The following OR2M4 variants were observed in gnomAD, a reference collection of about 807,000 sequenced individuals.
The protein encoded by OR2M4 is olfactory receptor family 2 subfamily M member 4.
A neutral mutation model predicts 13.7 loss-of-function variants in OR2M4; 8 were observed. That is an observed-to-expected ratio of 0.58 (90% confidence interval 0.34 to 1.05). The LOEUF (loss-of-function observed/expected upper bound fraction) is 1.05. Ranked by LOEUF, OR2M4 falls within the 50% of genes least tolerant of loss-of-function variation. The probability of loss-of-function intolerance (pLI) is 0.02; values close to 1 mark genes in which losing one functional copy is unlikely to be tolerated. For synonymous variants in OR2M4, 152 were observed against 141.3 expected (o/e 1.08, Z -0.53); for missense variants, 374 against 381.6 (o/e 0.98, Z 0.17).
At chr1:248,237,907 C>T (rs1265265249) in intron 1 of OR2M4, among the ~76,000 whole-genome samples, 1 of 152,100 alleles carries the variant, frequency 6.6e-6, no homozygotes, top group African/African-American at 2.4e-5. Context: ...CTGTTAAAGA[C>T]CACAGAAGGG....
chr1:248,239,138 C>A lies in OR2M4; in HGVS notation c.210C>A (p.Asp70Glu). The change falls in exon 2 of 2, where the codon GAC (aspartate) becomes GAA (glutamate). Residue 70 changes from aspartate (D) to glutamate (E), a missense_variant. Physicochemically the swap from Asp to Glu is conservative, Grantham distance 45. Coordinates refer to ENST00000641868, the MANE Select transcript of OR2M4 (RefSeq NM_017504.2). ...TCCTCAGTCAACTGTCCCTTATGGA[C>A]CTCATGCTCATCTGCACCACTCTAC... Reference protein sequence around the residue: ...YFLLSQLSLMDLMLICTTLPK... With the variant: ...YFLLSQLSLMELMLICTTLPK... 4 of 1,613,986 alleles carry A rather than the reference C, an allele frequency of 2.5e-6. No individual in the cohort carries two copies. In the South Asian group the frequency reaches 3.3e-5, roughly 13 times the overall value.
intron 1 of OR2M4, among the ~76,000 whole-genome samples, chr1:248,232,858 C>T (rs74155235): frequency 1.3e-5 from 2 of 152,000 alleles, no homozygotes; most frequent in South Asian, 4.1e-4. Context: ...CTCTACATCT[C>T]TGCAGGATTA....
In OR2M4 at chr1:248,239,329, T is replaced by G. The variant is rs1360487966; in HGVS notation, c.401T>G (p.Ile134Ser). Residue 134 changes from isoleucine (I) to serine (S), a missense_variant, in exon 2 of 2, where the codon ATC becomes AGC. Coordinates refer to ENST00000641868, the MANE Select transcript of OR2M4 (RefSeq NM_017504.2). ...ATATGTCACCCTCTTCAGTACACCA[T>G]CCTCATGAATCCGAAACTCTGTGTC... Reference protein sequence around the residue: ...VAICHPLQYTILMNPKLCVFM... With the variant: ...VAICHPLQYTSLMNPKLCVFM... 1.2e-6 allele frequency: 2 copies of G among 1,613,978 alleles called. No individual in the cohort carries two copies. Among genetic ancestry groups the G allele is most frequent in the African/African-American group, 2.7e-5 (2 of 74,874 alleles).
Position 248,239,290 on chromosome 1 carries a change from A to T in OR2M4, c.362A>T (p.Asp121Val). ...TTCTTGTTGGCTGTCATGGCTTATG[A>T]CCGCTATGTGGCTATATGTCACCCT... ...ECFLLAVMAY[D>V]RYVAICHPLQ... The change falls in exon 2 of 2, where the codon GAC becomes GTC. Residue 121 changes from aspartate (D) to valine (V), a missense_variant. By Grantham distance (152) the Asp-to-Val change is radical. Transcript: ENST00000641868. The T allele has an allele frequency of 6.2e-7, 1 of 1,613,980 alleles. No individual in the cohort carries two copies.
intron 1 of OR2M4, among the ~76,000 whole-genome samples, chr1:248,232,958 A>G (rs1332906406): frequency 2.6e-5 from 4 of 152,128 alleles, no homozygotes; most frequent in Non-Finnish European, 2.9e-5. Flanking sequence ...AACATTTGCT[A>G]TATCTTGTTA....
chr1:248,235,426 C>T (rs1431948630), intron 1 of OR2M4, among the ~76,000 whole-genome samples: 6 of 152,006 alleles, frequency 3.9e-5, no homozygotes, highest in Non-Finnish European at 7.4e-5. Flanking sequence ...TAAAGTTTGA[C>T]GTCGAGTAGT....
rs1324460089 is a variant in OR2M4, at chr1:248,243,014, G to T, written c.*3150G>T. ...GAAGTTATATTGCTTACTCAATTTA[G>T]TGATGAAAAATGTTTTGAGTATGTT... On this transcript the variant is annotated 3_prime_UTR_variant, in exon 2 of 2. Transcript: ENST00000641868. 3 of 151,982 alleles carry T rather than the reference G, an allele frequency of 2.0e-5. No individual in the cohort carries two copies. Among genetic ancestry groups the T allele is most frequent in the Non-Finnish European group, 4.4e-5 (3 of 67,990 alleles). The allele number at this position is 151,982 out of a possible 1,614,324, so 9.4% of individuals were successfully genotyped here. A position where few individuals can be genotyped will look rare whatever the true frequency, so the allele number is the denominator to read the frequency against.
Position 248,239,042 on chromosome 1 carries a change from A to C in OR2M4, c.114A>C (p.Ala38=). Residue 38 remains alanine, a synonymous_variant, in exon 2 of 2, where the codon GCA becomes GCC. Transcript: ENST00000641868. ...TGGTCCTGGGCATCTTCTCACTGGCATTGATGGAAAATATTTCCATGGTTC... is the reference window on the plus strand; with the variant it reads ...TGGTCCTGGGCATCTTCTCACTGGCCTTGATGGAAAATATTTCCATGGTTC... The part of the protein sequence containing the change: ...FSLVLGIFSL[A]LMENISMVLL... 2 of 1,613,968 alleles carry C rather than the reference A, an allele frequency of 1.2e-6. No homozygotes were observed. The highest frequency in any genetic ancestry group is 1.7e-6 in the Non-Finnish European group (2 of 1,179,932).
rs1424381345 is a variant in OR2M4, at chr1:248,241,140, A to T, written c.*1276A>T. On this transcript the variant is annotated 3_prime_UTR_variant, in exon 2 of 2. Transcript: ENST00000641868. ...ACTGTGCGGCGGGCACGTGAACTAC[A>T]GAGACAGCAGCTGGGGCAACTGAGG... The T allele has an allele frequency of 2.6e-5, 4 of 152,212 alleles. No homozygotes were observed. In the South Asian group the frequency reaches 8.3e-4, roughly 32 times the overall value. 9.4% of individuals were successfully genotyped at this position (152,212 alleles called of 1,614,324 possible). A position where few individuals can be genotyped will look rare whatever the true frequency, so the allele number is the denominator to read the frequency against.
At chr1:248,237,670 A>G (rs2103022608) in intron 1 of OR2M4, among the ~76,000 whole-genome samples, 1 of 152,284 alleles carries the variant, frequency 6.6e-6, no homozygotes, top group Middle Eastern at 3.4e-3. Context: ...ACAAAACAAA[A>G]CAAAACAAAA....
rs1197849530 is a variant in OR2M4 at position 248,242,013 on chromosome 1, C to G, written c.*2149C>G. 2 of 152,130 alleles carry G rather than the reference C, an allele frequency of 1.3e-5. No homozygotes were observed. The allele number at this position is 152,130 out of a possible 1,614,324, so 9.4% of individuals were successfully genotyped here. A position where few individuals can be genotyped will look rare whatever the true frequency, so the allele number is the denominator to read the frequency against. ...ATTGGGATTTTAAAAGAAGATAATA[C>G]TATGTCCCTATGTGTTTCATTCCAC... On this transcript the variant is annotated 3_prime_UTR_variant, in exon 2 of 2. Transcript: ENST00000641868.
intron 1 of OR2M4, among the ~76,000 whole-genome samples, chr1:248,232,746 T>A (rs563670273): frequency 6.6e-6 from 1 of 152,294 alleles, no homozygotes; most frequent in African/African-American, 2.4e-5. Context: ...AGAAAGGTAC[T>A]GCTCCTTCTT....
chr1:248,240,086 A>T lies in OR2M4; in HGVS notation c.*222A>T, dbSNP rs1666603571. 2.5e-6 allele frequency: 1 copy of T among 398,062 alleles called. No homozygotes were observed. The highest frequency in any genetic ancestry group is 4.2e-5 in the Admixed American group (1 of 24,002). The allele number at this position is 398,062 out of a possible 1,614,324, so 24.7% of individuals were successfully genotyped here. A position where few individuals can be genotyped will look rare whatever the true frequency, so the allele number is the denominator to read the frequency against. On this transcript the variant is annotated 3_prime_UTR_variant, in exon 2 of 2. Coordinates refer to ENST00000641868, the MANE Select transcript of OR2M4 (RefSeq NM_017504.2). The stretch of plus-strand genomic sequence containing the variant: ...TTTAATCCCTGTGAATGACAATTAT[A>T]TTATTAGGTGTCACACATGGGTGGT...
rs111532308 is a variant in OR2M4 at position 248,236,351 on chromosome 1, C to A, written c.-19-2559C>A. Among the ~76,000 whole-genome samples the A allele has an allele frequency of 6.0e-3, 914 of 152,236 alleles. 8 individuals are homozygous for A. Among genetic ancestry groups the A allele is most frequent in the African/African-American group, 0.021 (858 of 41,534 alleles). On this transcript the variant is annotated intron_variant, in intron 1 of 1. Transcript: ENST00000641868. ...AAATTGAGACAGAAATCAAGGAGTT[C>A]TTTGAAACCAATGAGAACAAAGAGA...
At chr1:248,236,063 A>G (rs1666553805) in intron 1 of OR2M4, among the ~76,000 whole-genome samples, 1 of 152,048 alleles carries the variant, frequency 6.6e-6, no homozygotes, top group Non-Finnish European at 1.5e-5. Flanking sequence ...GAGGGTATCT[A>G]CAGAACTCTC....
rs57718067 is a variant in OR2M4 at position 248,244,153 on chromosome 1, G to C, written c.*4289G>C. On this transcript the variant is annotated 3_prime_UTR_variant, in exon 2 of 2. Transcript: ENST00000641868. ...GAAAGCAGTTTGGAGATTTCTCGAA[G>C]AACTTAAAACAGGGCTGCTACTTGA... 1 of 152,088 alleles carries C rather than the reference G, an allele frequency of 6.6e-6. No homozygotes were observed. The highest frequency in any genetic ancestry group is 2.4e-5 in the African/African-American group (1 of 41,404). 9.4% of individuals were successfully genotyped at this position (152,088 alleles called of 1,614,324 possible).
Position 248,237,354 on chromosome 1 carries a change from G to A in OR2M4, c.-19-1556G>A, listed in dbSNP as rs143687562. On this transcript the variant is annotated intron_variant, in intron 1 of 1. Transcript: ENST00000641868. Reference sequence around the variant, plus strand: ...CTTAGATAAAATCCAACATCGCTTCGTGTTAAAAACTCTCAATAGCCAGGC... The same window carrying A: ...CTTAGATAAAATCCAACATCGCTTCATGTTAAAAACTCTCAATAGCCAGGC... Among the ~76,000 whole-genome samples the A allele has an allele frequency of 3.9e-3, 600 of 152,088 alleles. 4 individuals are homozygous for A. The highest frequency in any genetic ancestry group is 0.014 in the African/African-American group (564 of 41,494).
intron 1 of OR2M4, among the ~76,000 whole-genome samples, chr1:248,237,353 C>T (rs1202753702): frequency 6.6e-6 from 1 of 152,088 alleles, no homozygotes; most frequent in African/African-American, 2.4e-5. Flanking sequence ...AACATCGCTT[C>T]GTGTTAAAAA....
At position 248,239,805 on chromosome 1, in the gene OR2M4, C is replaced by T. The variant is rs531102387; in HGVS notation, c.877C>T (p.Arg293Cys). The change falls in exon 2 of 2, where the codon CGC becomes TGC. Residue 293 changes from arginine to cysteine, a missense_variant. Arg to Cys is a radical substitution (Grantham distance 180). Coordinates refer to ENST00000641868, the MANE Select transcript of OR2M4 (RefSeq NM_017504.2). ...GCTGAACCCTCTCATTTATAGCCTC[C>T]GCAACAAAGAAGTGTTCAGGGCACT... ...PMLNPLIYSL[R>C]NKEVFRALQK... 51 of 1,613,820 alleles carry T rather than the reference C, an allele frequency of 3.2e-5. No individual in the cohort carries two copies. The highest frequency in any genetic ancestry group is 1.0e-4 in the Admixed American group (6 of 59,954).
Sources: gnomAD v4.1 joint callset for allele counts (sites outside exome capture counted in the v4.1 genomes callset) on GRCh38, gnomAD v4.1.1 for gene constraint, MANE v1.5 for transcripts, NCBI Gene and HGNC (gene_info 2026-07-23, HGNC 2026-07-21) for gene names.